The following RABGAP1L variants were observed in gnomAD, a reference collection of about 807,000 sequenced individuals.
RABGAP1L encodes rab GTPase-activating protein 1-like.
Under a neutral mutation model 137.7 loss-of-function variants are expected in RABGAP1L, and 63 were observed. That is an observed-to-expected ratio of 0.46 (90% confidence interval 0.37 to 0.56). RABGAP1L has a LOEUF of 0.56. RABGAP1L is among the 20% of genes least tolerant of loss of function. The pLI is 0.00. For missense variants in RABGAP1L, 1,095 were observed against 1,244.0 expected, an observed-to-expected ratio of 0.88 and a Z score of 1.80; for synonymous variants, 431 against 433.7, an observed-to-expected ratio of 0.99 and a Z score of 0.08.
Position 174,443,879 on chromosome 1 carries a change from G to A in RABGAP1L, c.1710+49734G>A, listed in dbSNP as rs143888565. Among the ~76,000 whole-genome samples, 178 of 152,130 alleles carry A rather than the reference G, an allele frequency of 1.2e-3. 1 individual carries two copies. The highest frequency in any genetic ancestry group is 4.2e-3 in the African/African-American group (174 of 41,546). On this transcript the variant is annotated intron_variant, in intron 13 of 25. Coordinates refer to ENST00000681986, the MANE Select transcript of RABGAP1L (RefSeq NM_001366446.1). ...GTATATGGTGAGAGATAGGAGTCTA[G>A]TTTTATTTTTCTGCATATGGATATC...
chr1:174,348,986 A>G (rs1416974537), intron 11 of RABGAP1L, among the ~76,000 whole-genome samples: 1 of 149,618 alleles, frequency 6.7e-6, no homozygotes, highest in African/African-American at 2.4e-5. Context: ...CACCTCCCAG[A>G]CGGGGTGGTG....
At chr1:174,176,822 G>A (rs1665931697) in intron 1 of RABGAP1L, among the ~76,000 whole-genome samples, 1 of 148,858 alleles carries the variant, frequency 6.7e-6, no homozygotes, top group South Asian at 2.2e-4. Context: ...GCTCACGTGT[G>A]TAATCCCAGC....
At chr1:174,781,279 A>G (rs1412880546) in intron 18 of RABGAP1L, among the ~76,000 whole-genome samples, 11 of 152,090 alleles carry the variant, frequency 7.2e-5, no homozygotes, top group Admixed American at 5.2e-4. Flanking sequence ...GTGTGAGATG[A>G]TATCTCATTG....
intron 11 of RABGAP1L, among the ~76,000 whole-genome samples, chr1:174,348,041 C>A (rs1377017487): frequency 1.3e-5 from 2 of 151,932 alleles, no homozygotes; most frequent in African/African-American, 4.8e-5. Flanking sequence ...TTATTCCTGA[C>A]ATTTTGTTAT....
At chr1:174,662,955 A>G (rs1676500512) in intron 14 of RABGAP1L, among the ~76,000 whole-genome samples, 1 of 152,244 alleles carries the variant, frequency 6.6e-6, no homozygotes, top group Admixed American at 6.5e-5. Context: ...ATATTTCTGT[A>G]TAGCTGTACA....
chr1:174,670,660 T>C (rs971294158), intron 14 of RABGAP1L, among the ~76,000 whole-genome samples: 2 of 152,196 alleles, frequency 1.3e-5, no homozygotes, highest in African/African-American at 4.8e-5. Flanking sequence ...TGTTTGTCTT[T>C]CTGTGCCTGG....
At chr1:174,791,362 A>G (rs1687848523) in intron 18 of RABGAP1L, among the ~76,000 whole-genome samples, 1 of 152,190 alleles carries the variant, frequency 6.6e-6, no homozygotes, top group Non-Finnish European at 1.5e-5. Flanking sequence ...TAATATGAAG[A>G]TGAAGATGTT....
At chr1:174,618,895 A>C (rs1035077626) in intron 13 of RABGAP1L, among the ~76,000 whole-genome samples, 1 of 152,226 alleles carries the variant, frequency 6.6e-6, no homozygotes, top group Non-Finnish European at 1.5e-5. Flanking sequence ...ACTTTGAAAA[A>C]AATTTAGACG....
At chr1:174,434,323 C>T (rs967320838) in intron 13 of RABGAP1L, among the ~76,000 whole-genome samples, 1 of 152,304 alleles carries the variant, frequency 6.6e-6, no homozygotes, top group Middle Eastern at 3.4e-3. Flanking sequence ...CTTTTCATTG[C>T]TATATTTCAT....
intron 13 of RABGAP1L, among the ~76,000 whole-genome samples, chr1:174,437,356 A>G (rs1653505899): frequency 6.6e-6 from 1 of 152,222 alleles, no homozygotes; most frequent in South Asian, 2.1e-4. Flanking sequence ...AGAATAACCA[A>G]TGCAGGGAAG....
intron 13 of RABGAP1L, among the ~76,000 whole-genome samples, chr1:174,581,266 A>G (rs1668725682): frequency 1.3e-5 from 2 of 152,220 alleles, no homozygotes; most frequent in Admixed American, 1.3e-4. Context: ...AGTGGAAACA[A>G]CCAAAATGTT....
At chr1:174,931,913 G>A (rs1663857977) in intron 19 of RABGAP1L, among the ~76,000 whole-genome samples, 1 of 151,670 alleles carries the variant, frequency 6.6e-6, no homozygotes, top group South Asian at 2.1e-4. Context: ...TTGTACCTAG[G>A]GGTAGATTTT....
intron 13 of RABGAP1L, among the ~76,000 whole-genome samples, chr1:174,504,055 C>T (rs955854805): frequency 1.1e-4 from 16 of 151,210 alleles, no homozygotes; most frequent in East Asian, 3.9e-4. Flanking sequence ...TCACCACAAA[C>T]GCCGCCTTCA....
At chr1:174,694,245 A>C (rs1357142456) in intron 15 of RABGAP1L, among the ~76,000 whole-genome samples, 2 of 151,746 alleles carry the variant, frequency 1.3e-5, no homozygotes, top group Middle Eastern at 6.8e-3. Flanking sequence ...CATGTGCACA[A>C]TGTGCAGGTT....
chr1:174,586,011 A>T (rs1251295861), intron 13 of RABGAP1L, among the ~76,000 whole-genome samples: 1 of 152,190 alleles, frequency 6.6e-6, no homozygotes. Flanking sequence ...TAACCCAGCA[A>T]TCCCATTACT....
At chr1:174,982,530 G>C (rs1671231253) in intron 23 of RABGAP1L, among the ~76,000 whole-genome samples, 1 of 152,144 alleles carries the variant, frequency 6.6e-6, no homozygotes, top group African/African-American at 2.4e-5. Flanking sequence ...AGATTCTATA[G>C]GTTAATTCCA....
chr1:174,175,617 C>T (rs141128288), intron 1 of RABGAP1L, among the ~76,000 whole-genome samples: 9,757 of 147,236 alleles, frequency 0.066, 535 homozygotes, highest in East Asian at 0.31. Context: ...CCACCACGCC[C>T]GGCTACTTTT....
chr1:174,348,309 C>G (rs183472386), intron 11 of RABGAP1L, among the ~76,000 whole-genome samples: 8,470 of 140,666 alleles, frequency 0.06, 805 homozygotes, highest in African/African-American at 0.2. Context: ...TTTGCCATTA[C>G]TTTCAATAGC....
chr1:174,332,346 T>A (rs1208399875), intron 11 of RABGAP1L, among the ~76,000 whole-genome samples: 1 of 152,084 alleles, frequency 6.6e-6, no homozygotes, highest in Non-Finnish European at 1.5e-5. Context: ...TCTTCAGTGT[T>A]GTTTATACTC....
Sources: gnomAD v4.1 joint callset for allele counts (sites outside exome capture counted in the v4.1 genomes callset) on GRCh38, gnomAD v4.1.1 for gene constraint, MANE v1.5 for transcripts, NCBI Gene and HGNC (gene_info 2026-07-23, HGNC 2026-07-21) for gene names.